GPSM2: variants seen among roughly 807,000 people sequenced by gnomAD.
GPSM2 encodes the protein G protein-signaling modulator 2.
In GPSM2, 58 loss-of-function variants were observed where a neutral mutation model predicts 78.4. The ratio of observed to expected loss-of-function variants is 0.74; its 90% confidence interval spans 0.60 to 0.92. The LOEUF is 0.92. Ranked by LOEUF, GPSM2 falls within the 40% of genes least tolerant of loss-of-function variation. GPSM2 has a pLI of 0.00. For synonymous variants in GPSM2, 224 were observed against 280.2 expected (o/e 0.80, Z 2.00); for missense variants, 700 against 815.5 (o/e 0.86, Z 1.73).
At chr1:108,879,227 G>A (rs1665775323) in intron 1 of GPSM2, among the ~76,000 whole-genome samples, 1 of 152,108 alleles carries the variant, frequency 6.6e-6, no homozygotes, top group African/African-American at 2.4e-5. Context: ...TCTTTACTGT[G>A]GAGAAGAAAT....
Position 108,931,640 on chromosome 1 carries a change from A to AC in GPSM2, c.*1700_*1701insC. The AC allele has an allele frequency of 8.9e-7, 1 of 1,121,448 alleles. No homozygotes were observed. Among genetic ancestry groups the AC allele is most frequent in the East Asian group, 2.7e-5 (1 of 36,558 alleles). 69.5% of individuals were successfully genotyped at this position (1,121,448 alleles called of 1,614,324 possible). ...TTAAGTGCTCAGCTAAAAAAAAAAA[A>AC]AAAGTTCTAAATTACAACCTGGATT... is the stretch of plus-strand genomic sequence containing the variant. On this transcript the variant is annotated 3_prime_UTR_variant, in exon 15 of 15. Transcript: ENST00000264126.
intron 11 of GPSM2, 54 bp from the exon 12 acceptor site, chr1:108,918,559 G>C (rs1650453926): frequency 7.7e-7 from 1 of 1,303,334 alleles, no homozygotes; most frequent in Non-Finnish European, 1.1e-6. Context: ...AACCAGAAGA[G>C]AGCTGGGGAT....
intron 10 of GPSM2, among the ~76,000 whole-genome samples, chr1:108,911,481 C>T (rs1419322207): frequency 6.6e-6 from 1 of 151,880 alleles, no homozygotes; most frequent in East Asian, 1.9e-4. Flanking sequence ...GAGCCGAGAT[C>T]ACGCCACTGC....
Position 108,924,434 on chromosome 1 carries a change from CGTGTGT to C in GPSM2, c.1815+229_1815+234del. 4 of 593,164 alleles carry C rather than the reference CGTGTGT, an allele frequency of 6.7e-6. No individual in the cohort carries two copies. The African/African-American group carries it at 7.5e-5, about 11-fold the overall frequency. The allele number at this position is 593,164 out of a possible 1,614,324, so 36.7% of individuals were successfully genotyped here. A position where few individuals can be genotyped will look rare whatever the true frequency, so the allele number is the denominator to read the frequency against. On this transcript the variant is annotated intron_variant, in intron 14 of 14. Coordinates refer to ENST00000264126, the MANE Select transcript of GPSM2 (RefSeq NM_013296.5). ...AAAGGATCTTACATTTTAGGAGAGA[CGTGTGT>C]GTGTGTGTATATATATAGAGAGAGA... is the stretch of plus-strand genomic sequence containing the variant.
At chr1:108,908,371 A>C (rs914633848) in intron 10 of GPSM2, among the ~76,000 whole-genome samples, 1 of 148,152 alleles carries the variant, frequency 6.7e-6, no homozygotes, top group African/African-American at 2.5e-5. Flanking sequence ...ACTCTGTCTC[A>C]AAAACAAAAA....
chr1:108,897,208 G>A (rs998254024), intron 3 of GPSM2, 123 bp downstream of exon 3: 11 of 797,768 alleles, frequency 1.4e-5, no homozygotes, highest in South Asian at 3.2e-5. Context: ...CAGTAACATC[G>A]CTTTTCAAAA....
intron 2 of GPSM2, among the ~76,000 whole-genome samples, chr1:108,886,184 T>A (rs1233034927): frequency 6.6e-6 from 1 of 152,180 alleles, no homozygotes; most frequent in Non-Finnish European, 1.5e-5. Context: ...TGTGTGCCAC[T>A]GCACCTGGCT....
intron 5 of GPSM2, among the ~76,000 whole-genome samples, 157 bp downstream of exon 5, chr1:108,898,258 A>G (rs977614892): frequency 9.9e-5 from 15 of 152,256 alleles, no homozygotes; most frequent in African/African-American, 3.4e-4. Flanking sequence ...TTACAGTGTT[A>G]TATTAGTAGT....
chr1:108,912,343 G>A (rs183423482), intron 10 of GPSM2, among the ~76,000 whole-genome samples: 7 of 152,264 alleles, frequency 4.6e-5, no homozygotes, highest in South Asian at 2.1e-4. Flanking sequence ...CAGTGGAATC[G>A]AGTAGAGAGC....
chr1:108,911,919 C>T, intron 10 of GPSM2, among the ~76,000 whole-genome samples: 2 of 151,486 alleles, frequency 1.3e-5, no homozygotes, highest in East Asian at 3.9e-4. Flanking sequence ...AATCTGCCCA[C>T]CTCAGCCTCC....
chr1:108,898,319 G>A (rs948330391), intron 5 of GPSM2, among the ~76,000 whole-genome samples: 1 of 152,228 alleles, frequency 6.6e-6, no homozygotes, highest in Non-Finnish European at 1.5e-5. Flanking sequence ...AGTGGCAAAA[G>A]CAAGAAATGT....
chr1:108,917,623 T>TATATAC (rs1650351643), intron 11 of GPSM2, among the ~76,000 whole-genome samples: 1 of 10,288 alleles, frequency 9.7e-5, no homozygotes, highest in Non-Finnish European at 1.7e-4. Context: ...TATATATATA[T>TATATAC]ATATATATAT....
At position 108,878,035 on chromosome 1, in the gene GPSM2, G is replaced by T. The variant is rs79346247; in HGVS notation, c.-249+807G>T. Among the ~76,000 whole-genome samples the T allele has an allele frequency of 4.4e-4, 67 of 152,290 alleles. No homozygotes were observed. The East Asian group carries it at 6.4e-3, about 14-fold the overall frequency. On this transcript the variant is annotated intron_variant, in intron 1 of 14. Transcript: ENST00000264126. ...GGGTTTGCATTGGAGCGTTCGTGGGGTGTGTTGGAAGTCAGCAGGACCAAC... is the reference window on the plus strand; with the variant it reads ...GGGTTTGCATTGGAGCGTTCGTGGGTTGTGTTGGAAGTCAGCAGGACCAAC...
rs749225870 is a variant in GPSM2 at position 108,898,938 on chromosome 1, C to T, written c.741C>T (p.Asn247=). The change falls in exon 7 of 15, where the codon AAC becomes AAT. Residue 247 remains asparagine (N), a synonymous_variant. Coordinates refer to ENST00000264126, the MANE Select transcript of GPSM2 (RefSeq NM_013296.5). The stretch of plus-strand genomic sequence containing the variant: ...CAGCTGAAAGAAGAGCATATAGCAA[C>T]CTTGGAAATGCATATATATTTCTTG... ...DKAAERRAYS[N]LGNAYIFLGE... 2.4e-5 allele frequency: 39 copies of T among 1,612,148 alleles called. No homozygotes were observed. The highest frequency in any genetic ancestry group is 3.0e-5 in the Non-Finnish European group (35 of 1,178,340).
intron 1 of GPSM2, 107 bp downstream of exon 1, chr1:108,877,335 C>A: frequency 6.6e-6 from 1 of 152,226 alleles, no homozygotes; most frequent in Non-Finnish European, 1.5e-5. Context: ...GTCCAGAGGT[C>A]TGGGGGTGAC....
intron 11 of GPSM2, among the ~76,000 whole-genome samples, chr1:108,916,258 C>G (rs1436904355): frequency 1.4e-5 from 2 of 142,474 alleles, no homozygotes; most frequent in Middle Eastern, 3.6e-3. Flanking sequence ...GACCCTGTCT[C>G]TGAAAAAAAA....
Position 108,931,578 on chromosome 1 carries a change from A to C in GPSM2, c.*1638A>C. ...AAATAGAACTATTTCTCTAATGGCC[A>C]ATGTTTTTTAAGAGTCATAACCTGG... On this transcript the variant is annotated 3_prime_UTR_variant, in exon 15 of 15. Coordinates refer to ENST00000264126, the MANE Select transcript of GPSM2 (RefSeq NM_013296.5). 2.8e-6 allele frequency: 4 copies of C among 1,433,000 alleles called. No homozygotes were observed. Among genetic ancestry groups the C allele is most frequent in the South Asian group, 1.5e-5 (1 of 67,644 alleles). 88.8% of individuals were successfully genotyped at this position (1,433,000 alleles called of 1,614,324 possible).
At position 108,932,716 on chromosome 1, in the gene GPSM2, CAAGAGGACACTTTAT is replaced by C. The variant is rs1400863047; in HGVS notation, c.*2778_*2792del. ...AAGTCAGTGTGAACATGTCTTGTCC[CAAGAGGACACTTTAT>C]ACGCATGGATGTTCACAAATTTATT... On this transcript the variant is annotated 3_prime_UTR_variant, in exon 15 of 15. Coordinates refer to ENST00000264126, the MANE Select transcript of GPSM2 (RefSeq NM_013296.5). 1 of 152,180 alleles carries C rather than the reference CAAGAGGACACTTTAT, an allele frequency of 6.6e-6. No individual in the cohort carries two copies. The highest frequency in any genetic ancestry group is 1.5e-5 in the Non-Finnish European group (1 of 68,032). 9.4% of individuals were successfully genotyped at this position (152,180 alleles called of 1,614,324 possible). A position where few individuals can be genotyped will look rare whatever the true frequency, so the allele number is the denominator to read the frequency against.
At position 108,918,761 on chromosome 1, in the gene GPSM2, T is replaced by C. The variant is rs747214735; in HGVS notation, c.1412T>C (p.Ile471Thr). ...GTTCTCCAAGATGCCAGTAATTCTA[T>C]TGACCACCGAATTCCAAATTCTCAG... ...TKVLQDASNSIDHRIPNSQRK... is the reference protein window; with the variant it reads ...TKVLQDASNSTDHRIPNSQRK... The change falls in exon 12 of 15, where the codon ATT (isoleucine) becomes ACT (threonine). Residue 471 changes from isoleucine to threonine, a missense_variant. Transcript: ENST00000264126. The C allele has an allele frequency of 3.1e-6, 5 of 1,613,622 alleles. No individual in the cohort carries two copies. The highest frequency in any genetic ancestry group is 2.2e-5 in the South Asian group (2 of 91,074).
Sources: gnomAD v4.1 joint callset for allele counts (sites outside exome capture counted in the v4.1 genomes callset) on GRCh38, gnomAD v4.1.1 for gene constraint, MANE v1.5 for transcripts, NCBI Gene and HGNC (gene_info 2026-07-23, HGNC 2026-07-21) for gene names.